Variants in PP2D1 observed in about 807,000 individuals in gnomAD.
PP2D1 encodes protein phosphatase 2C like domain containing 1.
PP2D1 carries 25 observed loss-of-function variants against 30.2 expected under a neutral mutation model. The observed-to-expected ratio is 0.83, with a 90% CI of 0.60 to 1.16. The LOEUF is 1.16. PP2D1 is among the 50% of genes most tolerant of loss of function. The probability of loss-of-function intolerance (pLI) is 0.00; values close to 1 mark genes in which losing one functional copy is unlikely to be tolerated. For synonymous variants in PP2D1, 260 were observed against 258.9 expected, an observed-to-expected ratio of 1.00 and a Z score of -0.04; for missense variants, 760 against 742.4, an observed-to-expected ratio of 1.02 and a Z score of -0.28.
At position 20,001,536 on chromosome 3, in the gene PP2D1, A is replaced by C; in HGVS notation, c.584T>G (p.Phe195Cys). The C allele has an allele frequency of 3.3e-6, 5 of 1,536,164 alleles. No homozygotes were observed. ...MNDKFTVVSN[F>C]GNKPNVCFFG... ...AAAACACACATTAGGTTTGTTACCA[A>C]AATTACTCACTACAGTGAATTTATC... The change falls in exon 2 of 3, where the codon TTT (phenylalanine) becomes TGT (cysteine). Residue 195 changes from phenylalanine (F) to cysteine (C), a missense_variant. By Grantham distance (205) the Phe-to-Cys change is radical. Coordinates refer to ENST00000389050, the MANE Select transcript of PP2D1 (RefSeq NM_001252657.2).
chr3:20,008,516 G>A (rs967928655), intron 1 of PP2D1, among the ~76,000 whole-genome samples: 2 of 152,036 alleles, frequency 1.3e-5, no homozygotes, highest in Non-Finnish European at 2.9e-5. Flanking sequence ...GCAGGGAGCC[G>A]AGATCACGCC....
rs1172917411 is a variant in PP2D1, at chr3:20,012,093, C to T, written c.-21G>A. 6 of 1,527,218 alleles carry T rather than the reference C, an allele frequency of 3.9e-6. No homozygotes were observed. Among genetic ancestry groups the T allele is most frequent in the Non-Finnish European group, 5.3e-6 (6 of 1,140,750 alleles). The allele number at this position is 1,527,218 out of a possible 1,614,324, so 94.6% of individuals were successfully genotyped here. On this transcript the variant is annotated 5_prime_UTR_variant, in exon 1 of 3. Transcript: ENST00000389050. ...CTCATGTTCCTTTGGAATTACCTTT[C>T]TTTGCCCTCCCTTTATCCCCTTCCC...
chr3:20,011,931 C>T, intron 1 of PP2D1, 119 bp downstream of exon 1: 1 of 706,294 alleles, frequency 1.4e-6, no homozygotes, highest in Non-Finnish European at 2.3e-6. Context: ...TCAATGTACA[C>T]AGTTTAACAG....
chr3:19,999,424 C>T (rs1185764771), intron 2 of PP2D1, among the ~76,000 whole-genome samples: 3 of 151,434 alleles, frequency 2.0e-5, no homozygotes, highest in Non-Finnish European at 4.4e-5. Flanking sequence ...CTTTGTTGCC[C>T]AGTCTGGAGT....
At chr3:19,998,191 G>T (rs753222359) in intron 2 of PP2D1, among the ~76,000 whole-genome samples, 3 of 152,114 alleles carry the variant, frequency 2.0e-5, no homozygotes, top group African/African-American at 7.2e-5. Context: ...TTGTCCAGCC[G>T]TGGTGGCATG....
chr3:19,999,464 C>T (rs994203065), intron 2 of PP2D1, among the ~76,000 whole-genome samples: 26 of 151,944 alleles, frequency 1.7e-4, no homozygotes, highest in Admixed American at 1.6e-3. Flanking sequence ...TCACTGCAAC[C>T]TCCGCCTCTC....
intron 2 of PP2D1, among the ~76,000 whole-genome samples, chr3:19,999,635 C>G (rs1238307565): frequency 3.3e-5 from 5 of 152,082 alleles, no homozygotes; most frequent in Admixed American, 1.3e-4. Context: ...GTGATCCACC[C>G]ACCTCGGCCT....
At chr3:20,010,495 C>A (rs1697371639) in intron 1 of PP2D1, among the ~76,000 whole-genome samples, 1 of 152,058 alleles carries the variant, frequency 6.6e-6, no homozygotes, top group Non-Finnish European at 1.5e-5. Context: ...CAGTCTAATC[C>A]AATCACTTCT....
chr3:20,000,943 C>A, intron 2 of PP2D1, 87 bp downstream of exon 2: 1 of 653,596 alleles, frequency 1.5e-6, no homozygotes, highest in Non-Finnish European at 2.2e-6. Flanking sequence ...AAATAATAGA[C>A]AATAAAAAAT....
At chr3:19,981,757 C>T (rs771462233), downstream of PP2D1, among the ~76,000 whole-genome samples, 13 of 152,098 alleles carry the variant, frequency 8.5e-5, no homozygotes, top group Non-Finnish European at 1.9e-4. Context: ...AGAACAGCCA[C>T]TAGCTGTATA....
chr3:19,999,244 T>C (rs1363157561), intron 2 of PP2D1, among the ~76,000 whole-genome samples: 1 of 151,450 alleles, frequency 6.6e-6, no homozygotes, highest in East Asian at 1.9e-4. Context: ...CACTCCCAGC[T>C]AATTTTTGTA....
downstream of PP2D1, among the ~76,000 whole-genome samples, chr3:19,980,535 A>T (rs1206707507): frequency 6.6e-6 from 1 of 151,992 alleles, no homozygotes; most frequent in African/African-American, 2.4e-5. Flanking sequence ...ACTCTAATCA[A>T]TGCAAGGACT....
chr3:19,985,629 C>A lies in PP2D1; in HGVS notation c.1644G>T (p.Glu548Asp). 5 of 1,535,858 alleles carry A rather than the reference C, an allele frequency of 3.3e-6. No homozygotes were observed. Among genetic ancestry groups the A allele is most frequent in the Non-Finnish European group, 4.4e-6 (5 of 1,146,692 alleles). The change falls in exon 3 of 3, where the codon GAG becomes GAT. Residue 548 changes from glutamate (E) to aspartate (D), a missense_variant. Physicochemically the swap from Glu to Asp is conservative, Grantham distance 45 (BLOSUM62 2). Around this residue, in one of 3 missense-constraint regions of PP2D1, gnomAD observed 369 missense variants for 316.2 expected, o/e 1.17. Coordinates refer to ENST00000389050, the MANE Select transcript of PP2D1 (RefSeq NM_001252657.2). ...NYSKYCIYNP[E>D]NVETFPAETT... The stretch of plus-strand genomic sequence containing the variant: ...TTTCTGCTGGAAATGTTTCTACATT[C>A]TCAGGGTTATAAATACAGTATTTAG...
At chr3:20,005,301 C>T (rs558097758) in intron 1 of PP2D1, among the ~76,000 whole-genome samples, 1 of 151,872 alleles carries the variant, frequency 6.6e-6, no homozygotes, top group South Asian at 2.1e-4. Context: ...TACAGGCATG[C>T]ACCACCACAC....
chr3:20,001,356 A>T lies in PP2D1; in HGVS notation c.764T>A (p.Phe255Tyr). 3.6e-5 allele frequency: 55 copies of T among 1,536,178 alleles called. No homozygotes were observed. The highest frequency in any genetic ancestry group is 4.8e-5 in the Non-Finnish European group (55 of 1,146,776). Residue 255 changes from phenylalanine to tyrosine, a missense_variant, in exon 2 of 3, where the codon TTT becomes TAT. Around this residue, in one of 3 missense-constraint regions of PP2D1, gnomAD observed 374 missense variants for 388.8 expected, o/e 0.96. Coordinates refer to ENST00000389050, the MANE Select transcript of PP2D1 (RefSeq NM_001252657.2). Reference sequence around the variant, plus strand: ...TTCTATTGCTGCGTATTCTTCTCTAAACACAGTGTAAAAGGAATTGATTAT... The same window carrying T: ...TTCTATTGCTGCGTATTCTTCTCTATACACAGTGTAAAAGGAATTGATTAT... The part of the protein sequence containing the change: ...QQIINSFYTV[F>Y]REEYAAIEDL...
chr3:19,991,167 A>C (rs1018760247), intron 2 of PP2D1, among the ~76,000 whole-genome samples: 1 of 152,218 alleles, frequency 6.6e-6, no homozygotes, highest in African/African-American at 2.4e-5. Context: ...TGGGGATTAA[A>C]AAGAGCCGCT....
intron 1 of PP2D1, among the ~76,000 whole-genome samples, chr3:20,007,447 G>A (rs917191457): frequency 2.1e-4 from 32 of 151,938 alleles, no homozygotes; most frequent in African/African-American, 7.2e-4. Context: ...GTAACTTTAC[G>A]TAACTGACTG....
chr3:20,010,714 A>T (rs1057203645), intron 1 of PP2D1, among the ~76,000 whole-genome samples: 1 of 152,004 alleles, frequency 6.6e-6, no homozygotes, highest in East Asian at 1.9e-4. Flanking sequence ...GAGGCAGGAG[A>T]ATTGCTTGAA....
chr3:19,979,993 T>C (rs1197053134), exon 4 of PP2D1: 2 of 152,232 alleles, frequency 1.3e-5, no homozygotes, highest in African/African-American at 4.8e-5. Flanking sequence ...TATTTTTCAC[T>C]AGGTGACAGA....
Sources: gnomAD v4.1 joint callset for allele counts (sites outside exome capture counted in the v4.1 genomes callset) on GRCh38, gnomAD v4.1.1 for gene constraint, gnomAD v4.1.1 regional missense constraint, MANE v1.5 for transcripts, NCBI Gene and HGNC (gene_info 2026-07-23, HGNC 2026-07-21) for gene names.